The following REV3L variants were observed in gnomAD, a reference collection of about 807,000 sequenced individuals.
REV3L encodes the protein DNA polymerase zeta catalytic subunit.
REV3L carries 69 observed loss-of-function variants against 299.4 expected under a neutral mutation model. The observed-to-expected ratio is 0.23, with a 90% CI of 0.19 to 0.28. The LOEUF (loss-of-function observed/expected upper bound fraction) is 0.28, where lower values mean the gene tolerates loss of function less well. REV3L is among the 10% of genes least tolerant of loss of function. The pLI is 1.00. For synonymous variants in REV3L, 1,238 were observed against 1,271.4 expected (o/e 0.97, Z 0.56); for missense variants, 3,128 against 3,693.8 (o/e 0.85, Z 3.97).
intron 1 of REV3L, among the ~76,000 whole-genome samples, chr6:111,470,587 T>C (rs1792077907): frequency 6.6e-6 from 1 of 152,230 alleles, no homozygotes; most frequent in South Asian, 2.1e-4. Context: ...TTAACTATAA[T>C]AACATGGCTT....
intron 30 of REV3L, among the ~76,000 whole-genome samples, chr6:111,308,554 T>C (rs577507993): frequency 6.6e-6 from 1 of 152,338 alleles, no homozygotes; most frequent in East Asian, 1.9e-4. Context: ...CATCGTTAAG[T>C]AGAAAAATCT....
At chr6:111,400,299 G>C (rs2128267686) in intron 4 of REV3L, among the ~76,000 whole-genome samples, 1 of 152,270 alleles carries the variant, frequency 6.6e-6, no homozygotes, top group East Asian at 1.9e-4. Context: ...TTAGTGTTCT[G>C]AGAAACTATC....
At chr6:111,453,711 C>T (rs543979066) in intron 1 of REV3L, among the ~76,000 whole-genome samples, 11 of 152,188 alleles carry the variant, frequency 7.2e-5, no homozygotes, top group East Asian at 1.9e-4. Context: ...CAGCTGGGTG[C>T]GGTGGCTCAC....
At chr6:111,444,138 AG>A (rs1430868583) in intron 1 of REV3L, among the ~76,000 whole-genome samples, 5 of 152,252 alleles carry the variant, frequency 3.3e-5, no homozygotes, top group Admixed American at 2.0e-4. Context: ...CTGGCAGATT[AG>A]GAAGTATTGG....
At chr6:111,349,147 T>C (rs1777330617) in intron 20 of REV3L, 71 bp downstream of exon 20, 2 of 803,052 alleles carry the variant, frequency 2.5e-6, no homozygotes, top group South Asian at 3.1e-5. Flanking sequence ...TTACTAATAC[T>C]CTATAATGAT....
Position 111,482,970 on chromosome 6 carries a change from C to A in REV3L, c.-82G>T. On this transcript the variant is annotated 5_prime_UTR_variant, in exon 1 of 32. Transcript: ENST00000368802. ...GCGGCGGCGGCTCCCTCCGCAGCGGCGGCGGCGCCCCCTCCCCTTCTCGGC... is the reference window on the plus strand; with the variant it reads ...GCGGCGGCGGCTCCCTCCGCAGCGGAGGCGGCGCCCCCTCCCCTTCTCGGC... The A allele has an allele frequency of 7.1e-7, 1 of 1,406,610 alleles. No homozygotes were observed. The highest frequency in any genetic ancestry group is 9.2e-7 in the Non-Finnish European group (1 of 1,081,538). The allele number at this position is 1,406,610 out of a possible 1,614,324, so 87.1% of individuals were successfully genotyped here.
rs1335870521 is a variant in REV3L, at chr6:111,329,541, T to C, written c.8232A>G (p.Pro2744=). 2.5e-6 allele frequency: 4 copies of C among 1,613,938 alleles called. No homozygotes were observed. Among genetic ancestry groups the C allele is most frequent in the East Asian group, 2.2e-5 (1 of 44,896 alleles). ...GATTTGTATCACTTACCTCAATGCATGGCATTCTCCCAGAAAAATTAGCAG... is the reference window on the plus strand; with the variant it reads ...GATTTGTATCACTTACCTCAATGCACGGCATTCTCCCAGAAAAATTAGCAG... The part of the protein sequence containing the change: ...YTSANFSGRM[P]CIEVGDSIVH... The change falls in exon 25 of 32, where the codon CCA becomes CCG. Residue 2744 remains proline (P), a synonymous_variant. Transcript: ENST00000368802.
intron 1 of REV3L, among the ~76,000 whole-genome samples, chr6:111,469,116 C>G (rs1791870444): frequency 6.6e-6 from 1 of 152,108 alleles, no homozygotes; most frequent in Non-Finnish European, 1.5e-5. Context: ...GAGCCAAGAT[C>G]ACACCATTGC....
intron 22 of REV3L, among the ~76,000 whole-genome samples, chr6:111,334,883 T>C (rs1307108804): frequency 6.6e-6 from 1 of 152,174 alleles, no homozygotes; most frequent in Non-Finnish European, 1.5e-5. Flanking sequence ...TCTGAGTGTT[T>C]TAATATGGTA....
At chr6:111,366,956 A>G (rs1209968569) in intron 14 of REV3L, among the ~76,000 whole-genome samples, 159 bp downstream of exon 14, 15 of 152,232 alleles carry the variant, frequency 9.9e-5, no homozygotes, top group Admixed American at 9.8e-4. Flanking sequence ...CACAGCAGAA[A>G]GACAGTTGCC....
At chr6:111,303,165 C>CTTTTTTTTTTTTT (rs1189398273) in intron 31 of REV3L, among the ~76,000 whole-genome samples, 4 of 92,342 alleles carry the variant, frequency 4.3e-5, no homozygotes, top group African/African-American at 1.6e-4. Flanking sequence ...TCTTTTCTTT[C>CTTTTTTTTTTTTT]TTTTTTTTTT....
chr6:111,374,009 G>A lies in REV3L; in HGVS notation c.4346C>T (p.Ser1449Leu). 1.2e-6 allele frequency: 2 copies of A among 1,614,094 alleles called. No homozygotes were observed. The highest frequency in any genetic ancestry group is 1.7e-6 in the Non-Finnish European group (2 of 1,179,990). Residue 1449 changes from serine to leucine, a missense_variant, in exon 13 of 32, where the codon TCA becomes TTA. Physicochemically the swap from Ser to Leu is moderately radical, Grantham distance 145 (BLOSUM62 -2). Coordinates refer to ENST00000368802, the MANE Select transcript of REV3L (RefSeq NM_001372078.1). ...SETCSPGNTASEESQMPNNCF... is the reference protein window; with the variant it reads ...SETCSPGNTALEESQMPNNCF... ...ATTATTAGGCATTTGGCTTTCCTCT[G>A]AAGCTGTATTTCCCGGAGAACAAGT...
Position 111,373,059 on chromosome 6 carries a change from G to T in REV3L, c.5296C>A (p.Gln1766Lys), listed in dbSNP as rs752549345. 6.2e-7 allele frequency: 1 copy of T among 1,614,074 alleles called. No individual in the cohort carries two copies. The highest frequency in any genetic ancestry group is 1.1e-5 in the South Asian group (1 of 91,072). Residue 1766 changes from glutamine (Q) to lysine (K), a missense_variant, in exon 13 of 32, where the codon CAG becomes AAG. Physicochemically the swap from Gln to Lys is moderately conservative, Grantham distance 53 (BLOSUM62 1). This residue lies in a region of REV3L where 2,409 missense variants were observed against 2,611.8 expected (regional missense o/e 0.92). Coordinates refer to ENST00000368802, the MANE Select transcript of REV3L (RefSeq NM_001372078.1). The part of the protein sequence containing the change: ...NSIMDSFCVQ[Q>K]AEDCLSEKSR... ...TTTTCACTTAGACAGTCTTCTGCCTGCTGAACACAGAAAGAATCCATTATT... is the reference window on the plus strand; with the variant it reads ...TTTTCACTTAGACAGTCTTCTGCCTTCTGAACACAGAAAGAATCCATTATT...
intron 1 of REV3L, among the ~76,000 whole-genome samples, chr6:111,434,922 T>A (rs1003059049): frequency 2.6e-5 from 4 of 152,014 alleles, no homozygotes; most frequent in Non-Finnish European, 5.9e-5. Flanking sequence ...AAGTAACAAT[T>A]CTGGCTAATG....
At position 111,376,284 on chromosome 6, in the gene REV3L, T is replaced by C. The variant is rs1302486071; in HGVS notation, c.2071A>G (p.Ile691Val). ...TCGTTAGGGTGACGGTGCATATGTATAAAAGGGGAATCCTTTTCGATTTTT... is the reference window on the plus strand; with the variant it reads ...TCGTTAGGGTGACGGTGCATATGTACAAAAGGGGAATCCTTTTCGATTTTT... Reference protein sequence around the residue: ...IRKIEKDSPFIHMHRHPNENT... With the variant: ...IRKIEKDSPFVHMHRHPNENT... Residue 691 changes from isoleucine (I) to valine (V), a missense_variant, in exon 13 of 32, where the codon ATA becomes GTA. Around this residue, in one of 9 missense-constraint regions of REV3L, gnomAD observed 2,409 missense variants for 2,611.8 expected, o/e 0.92. Coordinates refer to ENST00000368802, the MANE Select transcript of REV3L (RefSeq NM_001372078.1). 1.9e-6 allele frequency: 3 copies of C among 1,613,820 alleles called. No homozygotes were observed. The highest frequency in any genetic ancestry group is 2.5e-6 in the Non-Finnish European group (3 of 1,179,916).
chr6:111,416,183 C>A (rs770299200), intron 2 of REV3L, 100 bp downstream of exon 2: 51 of 790,692 alleles, frequency 6.5e-5, no homozygotes, highest in Non-Finnish European at 8.4e-5. Context: ...TTCCATTAGA[C>A]TAGAAGTAAA....
intron 31 of REV3L, 80 bp downstream of exon 31, chr6:111,307,281 A>T: frequency 8.0e-7 from 1 of 1,248,798 alleles, no homozygotes. Flanking sequence ...TTTGTATCTC[A>T]CACTATAATT....
intron 21 of REV3L, among the ~76,000 whole-genome samples, chr6:111,340,378 A>G (rs1582590141): frequency 2.0e-5 from 3 of 152,308 alleles, no homozygotes; most frequent in Admixed American, 2.0e-4. Flanking sequence ...AGGCTGGCTT[A>G]GGAATCTAAT....
At chr6:111,301,219 G>A (rs1317500182) in intron 31 of REV3L, among the ~76,000 whole-genome samples, 1 of 152,176 alleles carries the variant, frequency 6.6e-6, no homozygotes, top group Non-Finnish European at 1.5e-5. Context: ...CTGGTTGTCT[G>A]ATCACGAACC....
Sources: allele counts gnomAD v4.1 joint callset (sites outside exome capture counted in the v4.1 genomes callset), GRCh38; gene constraint gnomAD v4.1.1; regional missense constraint gnomAD v4.1.1; transcripts MANE v1.5; gene names NCBI Gene and HGNC (gene_info 2026-07-23, HGNC 2026-07-21).